Variants in METTL17 observed in about 807,000 individuals in gnomAD.
METTL17 encodes the protein ribosome assembly protein METTL17, mitochondrial.
Under a neutral mutation model 59.4 loss-of-function variants are expected in METTL17, and 49 were observed. That is an observed-to-expected ratio of 0.82 (90% CI 0.66 to 1.05). METTL17 has a LOEUF of 1.05. Ranked by LOEUF, METTL17 falls within the 50% of genes least tolerant of loss-of-function variation. The pLI is 0.00. For missense variants in METTL17, 555 were observed against 578.4 expected (o/e 0.96, Z 0.41); for synonymous variants, 208 against 209.2 (o/e 0.99, Z 0.05).
chr14:20,992,275 A>G lies in METTL17; in HGVS notation c.446+70A>G. 3.2e-6 allele frequency: 3 copies of G among 950,522 alleles called. No individual in the cohort carries two copies. The Admixed American group carries it at 6.8e-5, about 22-fold the overall frequency. 58.9% of individuals were successfully genotyped at this position (950,522 alleles called of 1,614,324 possible). A position where few individuals can be genotyped will look rare whatever the true frequency, so the allele number is the denominator to read the frequency against. ...TTAGAAAGAGAGTTGGGGGAGTACA[A>G]TTACACAATCAATTTAGTATTTTCT... On this transcript the variant is annotated intron_variant, in intron 4 of 13. Transcript: ENST00000339374.
chr14:20,996,467 T>C, intron 12 of METTL17, 60 bp from the exon 13 acceptor site: 5 of 1,559,244 alleles, frequency 3.2e-6, no homozygotes, highest in East Asian at 4.5e-5. Context: ...AAGAAGGGAC[T>C]GTACAAACTT....
intron 4 of METTL17, 62 bp downstream of exon 4, chr14:20,992,267 G>A (rs1381019505): frequency 1.1e-5 from 11 of 1,031,228 alleles, no homozygotes; most frequent in African/African-American, 3.2e-5. Flanking sequence ...GAGAGTTGGG[G>A]GAGTACAATT....
intron 5 of METTL17, 70 bp from the exon 6 acceptor site, chr14:20,993,048 A>G (rs2138736157): frequency 7.5e-7 from 1 of 1,326,694 alleles, no homozygotes; most frequent in Non-Finnish European, 1.1e-6. Context: ...ATAGCCTCCT[A>G]ATTCACATTT....
rs1319153381 is a variant in METTL17 at position 20,997,033 on chromosome 14, G to A, written c.*143G>A. 1.1e-6 allele frequency: 1 copy of A among 947,174 alleles called. No homozygotes were observed. The highest frequency in any genetic ancestry group is 1.5e-6 in the Non-Finnish European group (1 of 679,872). 58.7% of individuals were successfully genotyped at this position (947,174 alleles called of 1,614,324 possible). A position where few individuals can be genotyped will look rare whatever the true frequency, so the allele number is the denominator to read the frequency against. ...ATAAATAATAAATTTTTGAAGAATGGAAGTGGATTTTGTGATTCTTAAAAA... is the reference window on the plus strand; with the variant it reads ...ATAAATAATAAATTTTTGAAGAATGAAAGTGGATTTTGTGATTCTTAAAAA... On this transcript the variant is annotated 3_prime_UTR_variant, in exon 14 of 14. Transcript: ENST00000339374.
At chr14:20,992,768 C>A in intron 5 of METTL17, 146 bp downstream of exon 5, 1 of 658,820 alleles carries the variant, frequency 1.5e-6, no homozygotes, top group South Asian at 1.9e-5. Flanking sequence ...GGGCTCCTGC[C>A]TGCAGTCCCA....
intron 6 of METTL17, 141 bp downstream of exon 6, chr14:20,993,332 G>A (rs969306324): frequency 8.4e-6 from 6 of 712,242 alleles, no homozygotes; most frequent in Non-Finnish European, 1.5e-5. Flanking sequence ...CATCAGATTA[G>A]GCAAGGCAGA....
At chr14:20,993,743 G>T in intron 6 of METTL17, 1 of 328,084 alleles carries the variant, frequency 3.0e-6, no homozygotes, top group South Asian at 4.8e-5. Context: ...AAAGTGCTGG[G>T]ATTACAAGCA....
At chr14:20,991,441 C>T (rs1373210770) in intron 3 of METTL17, among the ~76,000 whole-genome samples, 2 of 152,188 alleles carry the variant, frequency 1.3e-5, no homozygotes, top group Non-Finnish European at 1.5e-5. Context: ...GATTTCTTTC[C>T]TCTCCATAGG....
intron 10 of METTL17, 79 bp downstream of exon 10, chr14:20,995,312 C>T: frequency 7.7e-7 from 1 of 1,303,440 alleles, no homozygotes; most frequent in Non-Finnish European, 1.1e-6. Flanking sequence ...AAGAGACTGT[C>T]ATGTATTGAC....
At chr14:20,995,287 C>A in intron 10 of METTL17, 54 bp downstream of exon 10, 1 of 1,480,892 alleles carries the variant, frequency 6.8e-7, no homozygotes, top group Non-Finnish European at 9.4e-7. Flanking sequence ...ATTACTGTTA[C>A]TCTCTTGAAA....
At position 20,990,303 on chromosome 14, in the gene METTL17, G is replaced by A; in HGVS notation, c.149G>A (p.Arg50His). The change falls in exon 2 of 14, where the codon CGC (arginine) becomes CAC (histidine). Residue 50 changes from arginine (R) to histidine (H), a missense_variant. Arg to His is a conservative substitution (Grantham distance 29). Transcript: ENST00000339374. ...GGTTTCCTGCAGAAGAGGCCTCATC[G>A]CCAGCACCCTGGCATCCTAAAGCTG... Reference protein sequence around the residue: ...KSGFLQKRPHRQHPGILKLPH... With the variant: ...KSGFLQKRPHHQHPGILKLPH... 3 of 1,614,212 alleles carry A rather than the reference G, an allele frequency of 1.9e-6. No homozygotes were observed. Among genetic ancestry groups the A allele is most frequent in the South Asian group, 1.1e-5 (1 of 91,086 alleles).
intron 10 of METTL17, 139 bp downstream of exon 10, chr14:20,995,372 C>T: frequency 1.4e-6 from 1 of 731,202 alleles, no homozygotes; most frequent in Non-Finnish European, 2.3e-6. Context: ...TGATACAGAG[C>T]AGTGGTTGGC....
chr14:20,991,536 A>AAAT (rs61205850), intron 3 of METTL17, among the ~76,000 whole-genome samples: 2 of 150,192 alleles, frequency 1.3e-5, no homozygotes, highest in Admixed American at 1.3e-4. Flanking sequence ...TTTAAAAAAA[A>AAAT]TTTTTTTTTT....
intron 5 of METTL17, 188 bp downstream of exon 5, chr14:20,992,810 T>C: frequency 1.6e-6 from 1 of 612,540 alleles, no homozygotes; most frequent in East Asian, 2.7e-5. Flanking sequence ...GGAGGATTGC[T>C]TGAGCCAGTT....
intron 7 of METTL17, 77 bp downstream of exon 7, chr14:20,994,140 G>C (rs956202018): frequency 2.0e-6 from 2 of 1,018,418 alleles, no homozygotes; most frequent in African/African-American, 3.2e-5. Flanking sequence ...TTACTGGGAA[G>C]TAGAGAAGAG....
chr14:20,990,544 G>A lies in METTL17; in HGVS notation c.310G>A (p.Glu104Lys). 1 of 1,614,260 alleles carries A rather than the reference G, an allele frequency of 6.2e-7. No homozygotes were observed. The highest frequency in any genetic ancestry group is 1.1e-5 in the South Asian group (1 of 91,090). ...LWSRHLPVEP[E>K]ELQRRARHLE... Reference sequence around the variant, plus strand: ...GAGCAGACATTTGCCTGTAGAGCCAGAGGAGTTGCAAAGACGGGCTAGGCA... The same window carrying A: ...GAGCAGACATTTGCCTGTAGAGCCAAAGGAGTTGCAAAGACGGGCTAGGCA... Residue 104 changes from glutamate to lysine, a missense_variant, in exon 3 of 14, where the codon GAG becomes AAG. Coordinates refer to ENST00000339374, the MANE Select transcript of METTL17 (RefSeq NM_022734.3).
chr14:20,993,037 G>A, intron 5 of METTL17, 81 bp from the exon 6 acceptor site: 1 of 1,200,828 alleles, frequency 8.3e-7, no homozygotes, highest in South Asian at 1.2e-5. Flanking sequence ...CATCCTCTGT[G>A]ATAGCCTCCT....
chr14:20,990,865 T>C (rs1879996335), intron 3 of METTL17: 1 of 428,738 alleles, frequency 2.3e-6, no homozygotes, highest in Admixed American at 3.9e-5. Context: ...AGAGTCTTGC[T>C]CTGTCACCCA....
chr14:20,990,661 AG>A, intron 3 of METTL17, 63 bp downstream of exon 3: 5 of 1,588,250 alleles, frequency 3.1e-6, no homozygotes, highest in Non-Finnish European at 4.3e-6. Flanking sequence ...ATGAAGAGTA[AG>A]AAATAATTCT....
Sources: gnomAD v4.1 joint callset for allele counts (sites outside exome capture counted in the v4.1 genomes callset) on GRCh38, gnomAD v4.1.1 for gene constraint, MANE v1.5 for transcripts, NCBI Gene and HGNC (gene_info 2026-07-23, HGNC 2026-07-21) for gene names.